ANO3: variants seen among roughly 807,000 people sequenced by gnomAD.
ANO3 encodes the protein anoctamin-3.
Under a neutral mutation model 144.8 loss-of-function variants are expected in ANO3, and 99 were observed. The ratio of observed to expected loss-of-function variants is 0.68; its 90% CI spans 0.58 to 0.81. The LOEUF is 0.81. Ranked by LOEUF, ANO3 falls within the 30% of genes least tolerant of loss-of-function variation. ANO3 has a pLI of 0.00. For synonymous variants in ANO3, 414 were observed against 392.6 expected (o/e 1.05, Z -0.64); for missense variants, 905 against 1,202.2 (o/e 0.75, Z 3.66).
At chr11:26,300,199 C>T (rs528540900) in intron 1 of ANO3, among the ~76,000 whole-genome samples, 25 of 152,068 alleles carry the variant, frequency 1.6e-4, no homozygotes, top group Admixed American at 5.9e-4. Context: ...CATGCAAGCA[C>T]GCACGCACAC....
intron 1 of ANO3, among the ~76,000 whole-genome samples, chr11:26,352,668 T>C (rs1254649466): frequency 6.6e-6 from 1 of 152,226 alleles, no homozygotes; most frequent in East Asian, 1.9e-4. Context: ...GTTTTTATGC[T>C]ACGTAGATTG....
chr11:26,290,374 T>C (rs1284864636), intron 1 of ANO3, among the ~76,000 whole-genome samples: 2 of 152,206 alleles, frequency 1.3e-5, no homozygotes, highest in Admixed American at 6.5e-5. Flanking sequence ...CCTGGATTCA[T>C]TGATTTTTTG....
intron 14 of ANO3, among the ~76,000 whole-genome samples, chr11:26,564,730 CACATATATATATATATATAT>C (rs1215928010): frequency 1.2e-3 from 28 of 24,008 alleles, no homozygotes; most frequent in African/African-American, 3.9e-3. Context: ...CACACACACA[CACATATATATATATATATAT>C]ATATATATAT....
intron 1 of ANO3, among the ~76,000 whole-genome samples, chr11:26,291,778 G>A (rs1451686477): frequency 6.6e-6 from 1 of 152,190 alleles, no homozygotes; most frequent in Non-Finnish European, 1.5e-5. Context: ...TGAGAGATCT[G>A]CTGTTAGTCT....
chr11:26,294,771 C>T (rs1854047404), intron 1 of ANO3, among the ~76,000 whole-genome samples: 1 of 152,158 alleles, frequency 6.6e-6, no homozygotes, highest in Non-Finnish European at 1.5e-5. Context: ...AAATCTTATG[C>T]CTTTCTTTTT....
In ANO3 at chr11:26,240,643, G is replaced by T. The variant is rs537525600; in HGVS notation, c.154+51313G>T. ...AAAATGTACTTTAAATATACTGTTCGGTTTTTTACTTCCCATTTCATAAAA... is the reference window on the plus strand; with the variant it reads ...AAAATGTACTTTAAATATACTGTTCTGTTTTTTACTTCCCATTTCATAAAA... On this transcript the variant is annotated intron_variant, in intron 1 of 27. Transcript: ENST00000672621. Among the ~76,000 whole-genome samples the T allele has an allele frequency of 1.5e-4, 23 of 152,020 alleles. 2 individuals carry two copies. The highest frequency in any genetic ancestry group is 5.3e-4 in the African/African-American group (22 of 41,490).
chr11:26,638,362 T>C (rs547807097), intron 20 of ANO3, among the ~76,000 whole-genome samples: 1 of 152,200 alleles, frequency 6.6e-6, no homozygotes. Context: ...GTGATTGGTC[T>C]CTCCAAAACA....
chr11:26,427,607 T>C (rs1262844714), intron 1 of ANO3, among the ~76,000 whole-genome samples: 1 of 152,194 alleles, frequency 6.6e-6, no homozygotes, highest in African/African-American at 2.4e-5. Context: ...CTGAAAATTA[T>C]ACTGCCAAAA....
chr11:26,531,187 A>G lies in ANO3; in HGVS notation c.738-18A>G. ...GGAATACAACCTAATCTAGTTCTCA[A>G]ATGTGACTTCATTCCAGGATGCAAA... On this transcript the variant is annotated intron_variant, in intron 7 of 26. Transcript: ENST00000256737. 1 of 1,613,692 alleles carries G rather than the reference A, an allele frequency of 6.2e-7. No individual in the cohort carries two copies.
At chr11:26,460,662 T>C (rs1312673402) in intron 3 of ANO3, among the ~76,000 whole-genome samples, 1 of 151,730 alleles carries the variant, frequency 6.6e-6, no homozygotes, top group African/African-American at 2.4e-5. Context: ...TGATGCTGTG[T>C]ATTTCTTTTC....
At chr11:26,208,944 C>A (rs533627642) in intron 1 of ANO3, among the ~76,000 whole-genome samples, 10 of 152,212 alleles carry the variant, frequency 6.6e-5, no homozygotes, top group African/African-American at 1.9e-4. Context: ...AGTGCTCTTC[C>A]TGTAAATGAA....
At chr11:26,446,912 A>G (rs1051809509) in intron 3 of ANO3, among the ~76,000 whole-genome samples, 1 of 152,106 alleles carries the variant, frequency 6.6e-6, no homozygotes, top group Admixed American at 6.5e-5. Context: ...TTCTGTGATC[A>G]TCAAAAGTGA....
chr11:26,220,095 T>A (rs1399089270), intron 1 of ANO3, among the ~76,000 whole-genome samples: 2 of 152,248 alleles, frequency 1.3e-5, no homozygotes, highest in Non-Finnish European at 2.9e-5. Flanking sequence ...AGGTAATCTA[T>A]GGTCCTGTCC....
At chr11:26,459,591 T>TAC (rs375014872) in intron 3 of ANO3, among the ~76,000 whole-genome samples, 40 of 151,114 alleles carry the variant, frequency 2.6e-4, no homozygotes, top group African/African-American at 9.0e-4. Flanking sequence ...GGAAAAAATG[T>TAC]ACACACACAC....
At chr11:26,421,483 A>G (rs1461268006) in intron 1 of ANO3, among the ~76,000 whole-genome samples, 2 of 152,060 alleles carry the variant, frequency 1.3e-5, no homozygotes, top group African/African-American at 2.4e-5. Context: ...TAAGCCCATC[A>G]GTTTTAATAT....
intron 3 of ANO3, among the ~76,000 whole-genome samples, chr11:26,458,138 C>T (rs891848589): frequency 6.6e-6 from 1 of 152,032 alleles, no homozygotes; most frequent in Non-Finnish European, 1.5e-5. Context: ...ATGTTCTGGG[C>T]ATATGTGCAA....
intron 24 of ANO3, among the ~76,000 whole-genome samples, chr11:26,648,898 T>TA (rs1319253199): frequency 6.6e-6 from 1 of 152,178 alleles, no homozygotes; most frequent in East Asian, 1.9e-4. Flanking sequence ...AATGCACTGT[T>TA]AACTCTGCTG....
Position 26,662,932 on chromosome 11 carries a change from C to T in ANO3, c.*2488C>T, listed in dbSNP as rs562427942. Reference sequence around the variant, plus strand: ...ATTTCTCAAAGATTTATAGCACACACTATTCTCAGGAATTCTGTATTACAT... The same window carrying T: ...ATTTCTCAAAGATTTATAGCACACATTATTCTCAGGAATTCTGTATTACAT... On this transcript the variant is annotated 3_prime_UTR_variant, in exon 27 of 27. Transcript: ENST00000256737. The T allele has an allele frequency of 3.3e-5, 5 of 152,514 alleles. 1 individual carries two copies. The Admixed American group carries it at 3.3e-4, about 10-fold the overall frequency. The allele number at this position is 152,514 out of a possible 1,614,324, so 9.4% of individuals were successfully genotyped here.
intron 1 of ANO3, among the ~76,000 whole-genome samples, chr11:26,242,222 TTCTG>T (rs1852678434): frequency 6.6e-6 from 1 of 152,182 alleles, no homozygotes; most frequent in Non-Finnish European, 1.5e-5. Flanking sequence ...AAATGTCTAG[TTCTG>T]TCTTTCACTC....
Sources: gnomAD v4.1 joint callset for allele counts (sites outside exome capture counted in the v4.1 genomes callset) on GRCh38, gnomAD v4.1.1 for gene constraint, MANE v1.5 for transcripts, NCBI Gene and HGNC (gene_info 2026-07-23, HGNC 2026-07-21) for gene names.